The following CHSY1 variants were observed in gnomAD, a reference collection of about 807,000 sequenced individuals.
CHSY1 encodes chondroitin sulfate synthase 1.
Under a neutral mutation model 59.8 loss-of-function variants are expected in CHSY1, and 13 were observed. That is an observed-to-expected ratio of 0.22 (90% CI 0.14 to 0.35). The LOEUF (loss-of-function observed/expected upper bound fraction) is 0.35, where lower values mean the gene tolerates loss of function less well. Ranked by LOEUF, CHSY1 falls within the 10% of genes least tolerant of loss-of-function variation. CHSY1 has a pLI of 1.00. For missense variants in CHSY1, 947 were observed against 1,030.6 expected, an observed-to-expected ratio of 0.92 and a Z score of 1.11; for synonymous variants, 459 against 401.2, an observed-to-expected ratio of 1.14 and a Z score of -1.72.
At chr15:101,205,853 G>A (rs555682718) in intron 2 of CHSY1, among the ~76,000 whole-genome samples, 9 of 152,214 alleles carry the variant, frequency 5.9e-5, no homozygotes, top group South Asian at 2.1e-4. Flanking sequence ...CAGGGGGGCT[G>A]AGGCAGGAGA....
chr15:101,210,613 G>A (rs936265239), intron 2 of CHSY1, among the ~76,000 whole-genome samples: 12 of 152,300 alleles, frequency 7.9e-5, no homozygotes, highest in African/African-American at 2.9e-4. Flanking sequence ...TTAAGAGCAG[G>A]GGTGGGCCAG....
In CHSY1 at chr15:101,246,586, C is replaced by T. The variant is rs1277571977; in HGVS notation, c.320+4551G>A. 2.6e-5 allele frequency among the ~76,000 whole-genome samples: 4 copies of T among 152,256 alleles called. No individual in the cohort carries two copies. In the East Asian group the frequency reaches 7.7e-4, roughly 29 times the overall value. ...CGGAACAAAACATGAAGTCCAGAAA[C>T]ATACCCAAGAATTCTGAGCATGACG... On this transcript the variant is annotated intron_variant, in intron 1 of 2. Transcript: ENST00000254190.
chr15:101,211,662 T>A (rs77591065), intron 2 of CHSY1, among the ~76,000 whole-genome samples: 58 of 152,210 alleles, frequency 3.8e-4, no homozygotes, highest in African/African-American at 1.3e-3. Flanking sequence ...GGGCACATCA[T>A]AATAGGACTA....
In CHSY1 at chr15:101,245,229, C is replaced by T. The variant is rs188274189; in HGVS notation, c.320+5908G>A. 2.6e-5 allele frequency among the ~76,000 whole-genome samples: 4 copies of T among 152,334 alleles called. No individual in the cohort carries two copies. In the South Asian group the frequency reaches 8.3e-4, roughly 32 times the overall value. ...ATGTCCCTGCCCACCACTCTACCAC[C>T]CACAGCCTACACCTAGCCCCAAAGA... On this transcript the variant is annotated intron_variant, in intron 1 of 2. Transcript: ENST00000254190.
intron 1 of CHSY1, among the ~76,000 whole-genome samples, chr15:101,248,038 GT>G (rs745989469): frequency 6.6e-6 from 1 of 151,380 alleles, no homozygotes; most frequent in African/African-American, 2.4e-5. Context: ...AACAACAGTT[GT>G]TTTTTTGTTT....
At position 101,222,158 on chromosome 15, in the gene CHSY1, A is replaced by G. The variant is rs565734128; in HGVS notation, c.816+12924T>C. Among the ~76,000 whole-genome samples, 3 of 152,328 alleles carry G rather than the reference A, an allele frequency of 2.0e-5. No homozygotes were observed. In the East Asian group the frequency reaches 5.8e-4, roughly 29 times the overall value. On this transcript the variant is annotated intron_variant, in intron 2 of 2. Coordinates refer to ENST00000254190, the MANE Select transcript of CHSY1 (RefSeq NM_014918.5). ...ACACACAAAGACCTTTCTGTCTCAGAGTTCTTAGAAGTCAATAAGCTAAAA... is the reference window on the plus strand; with the variant it reads ...ACACACAAAGACCTTTCTGTCTCAGGGTTCTTAGAAGTCAATAAGCTAAAA...
intron 2 of CHSY1, among the ~76,000 whole-genome samples, chr15:101,205,157 T>C (rs1222717835): frequency 6.6e-6 from 1 of 152,218 alleles, no homozygotes; most frequent in Non-Finnish European, 1.5e-5. Flanking sequence ...TTTTTTCTTT[T>C]TTTAAAGTAA....
chr15:101,245,959 T>C (rs1399443452), intron 1 of CHSY1, among the ~76,000 whole-genome samples: 1 of 152,238 alleles, frequency 6.6e-6, no homozygotes, highest in Non-Finnish European at 1.5e-5. Flanking sequence ...CATGGTTTAC[T>C]TAGCTCAAGA....
At chr15:101,227,216 T>G (rs1244089994) in intron 2 of CHSY1, among the ~76,000 whole-genome samples, 1 of 152,198 alleles carries the variant, frequency 6.6e-6, no homozygotes, top group Non-Finnish European at 1.5e-5. Context: ...AACCAGCAGC[T>G]TGGAAGCCAT....
rs1012107128 is a variant in CHSY1 at position 101,176,332 on chromosome 15, A to C, written c.*1056T>G. 2.5e-6 allele frequency: 1 copy of C among 398,598 alleles called. No homozygotes were observed. The highest frequency in any genetic ancestry group is 4.4e-6 in the Non-Finnish European group (1 of 226,040). 24.7% of individuals were successfully genotyped at this position (398,598 alleles called of 1,614,324 possible). Reference sequence around the variant, plus strand: ...ACACAGACAGGATGAAAGGAACAAAACCAAATACATTTTTCCCCAACGTTT... The same window carrying C: ...ACACAGACAGGATGAAAGGAACAAACCCAAATACATTTTTCCCCAACGTTT... On this transcript the variant is annotated 3_prime_UTR_variant, in exon 3 of 3. Coordinates refer to ENST00000254190, the MANE Select transcript of CHSY1 (RefSeq NM_014918.5).
chr15:101,242,907 C>T (rs961813243), intron 1 of CHSY1, among the ~76,000 whole-genome samples: 1 of 152,188 alleles, frequency 6.6e-6, no homozygotes, highest in Admixed American at 6.5e-5. Context: ...CAATCTCAAA[C>T]CCTTTTTGAA....
rs754504772 is a variant in CHSY1 at position 101,235,334 on chromosome 15, C to T, written c.564G>A (p.Leu188=). 3 of 1,614,218 alleles carry T rather than the reference C, an allele frequency of 1.9e-6. No homozygotes were observed. Among genetic ancestry groups the T allele is most frequent in the South Asian group, 2.2e-5 (2 of 91,082 alleles). Residue 188 remains leucine (L), a synonymous_variant, in exon 2 of 3, where the codon TTG becomes TTA. Coordinates refer to ENST00000254190, the MANE Select transcript of CHSY1 (RefSeq NM_014918.5). ...CAAGAAAGAGGGGCTCGCTGCTGTT[C>T]AAACTCCTCAGGAAGTTCTCCAGAC... The part of the protein sequence containing the change: ...GDRLENFLRS[L]NSSEPLFLGQ...
chr15:101,249,645 C>G (rs2141284793), intron 1 of CHSY1, among the ~76,000 whole-genome samples: 1 of 151,054 alleles, frequency 6.6e-6, no homozygotes, highest in South Asian at 2.1e-4. Flanking sequence ...TCCTGAGTGG[C>G]TGGGACTACA....
At chr15:101,218,615 T>TA (rs1188703947) in intron 2 of CHSY1, among the ~76,000 whole-genome samples, 1 of 152,032 alleles carries the variant, frequency 6.6e-6, no homozygotes, top group Non-Finnish European at 1.5e-5. Context: ...CTCCTAAAGT[T>TA]AAACTTACGT....
At chr15:101,228,614 T>G (rs191176059) in intron 2 of CHSY1, among the ~76,000 whole-genome samples, 10 of 152,208 alleles carry the variant, frequency 6.6e-5, no homozygotes, top group Non-Finnish European at 1.3e-4. Flanking sequence ...CCAAGAAAGA[T>G]GTCCTTTAAA....
intron 1 of CHSY1, among the ~76,000 whole-genome samples, chr15:101,248,993 T>C (rs184762199): frequency 1.8e-3 from 254 of 142,556 alleles, no homozygotes; most frequent in Middle Eastern, 7.3e-3. Context: ...TCAGTAGAGA[T>C]GGGGTTTCAC....
At chr15:101,207,783 C>T (rs562355923) in intron 2 of CHSY1, among the ~76,000 whole-genome samples, 2 of 152,308 alleles carry the variant, frequency 1.3e-5, no homozygotes, top group South Asian at 2.1e-4. Flanking sequence ...AATCTAGTAA[C>T]TAAAATTGAA....
chr15:101,205,817 G>C (rs1034783995), intron 2 of CHSY1, among the ~76,000 whole-genome samples: 2 of 152,146 alleles, frequency 1.3e-5, no homozygotes, highest in Non-Finnish European at 2.9e-5. Flanking sequence ...TGGGCGTGGT[G>C]GTGGGCGCCC....
intron 2 of CHSY1, among the ~76,000 whole-genome samples, chr15:101,193,275 G>A (rs759613878): frequency 2.0e-5 from 3 of 152,216 alleles, no homozygotes; most frequent in Non-Finnish European, 2.9e-5. Flanking sequence ...ACGAAGCTGG[G>A]GAGACAGCAG....
Sources: gnomAD v4.1 joint callset for allele counts (sites outside exome capture counted in the v4.1 genomes callset) on GRCh38, gnomAD v4.1.1 for gene constraint, MANE v1.5 for transcripts, NCBI Gene and HGNC (gene_info 2026-07-23, HGNC 2026-07-21) for gene names.